COL20A1: variants seen among roughly 807,000 people sequenced by gnomAD.
COL20A1 encodes collagen type XX alpha 1 chain.
Under a neutral mutation model 152.9 loss-of-function variants are expected in COL20A1, and 164 were observed. That is an observed-to-expected ratio of 1.07 (90% CI 0.94 to 1.22). The LOEUF (loss-of-function observed/expected upper bound fraction) is 1.22, where lower values mean the gene tolerates loss of function less well. Among genes scored for constraint, COL20A1 ranks in the 50% most tolerant of loss-of-function variants. The pLI, the probability that COL20A1 is intolerant of heterozygous loss-of-function variation, is 0.00. For missense variants in COL20A1, 1,873 were observed against 1,744.8 expected (o/e 1.07, Z -1.31); for synonymous variants, 864 against 756.0 (o/e 1.14, Z -2.34).
chr20:63,303,200 ATAT>A (rs1438374664), intron 3 of COL20A1, among the ~76,000 whole-genome samples: 1 of 152,118 alleles, frequency 6.6e-6, no homozygotes, highest in East Asian at 1.9e-4. Context: ...CATCACAATA[ATAT>A]TTATCCCATT....
chr20:63,329,438 T>A, intron 34 of COL20A1, 147 bp from the exon 35 acceptor site: 1 of 645,990 alleles, frequency 1.5e-6, no homozygotes, highest in Non-Finnish European at 2.8e-6. Context: ...CCTGGCACGC[T>A]GCTGCCCCTA....
chr20:63,311,834 C>T lies in COL20A1; in HGVS notation c.1664-82C>T. ...TTCCATGGCATGGGAGACCTCAGGC[C>T]CCCTCGGTCCCAGCCACTGCCCACC... is the stretch of plus-strand genomic sequence containing the variant. On this transcript the variant is annotated intron_variant, in intron 13 of 35. Transcript: ENST00000358894. The surrounding 1 kb of genome is among the most constrained non-coding windows in gnomAD (Gnocchi z 4.4). The T allele has an allele frequency of 6.6e-7, 1 of 1,513,974 alleles. No homozygotes were observed. Among genetic ancestry groups the T allele is most frequent in the Non-Finnish European group, 8.8e-7 (1 of 1,133,130 alleles). The allele number at this position is 1,513,974 out of a possible 1,614,324, so 93.8% of individuals were successfully genotyped here. A position where few individuals can be genotyped will look rare whatever the true frequency, so the allele number is the denominator to read the frequency against.
At chr20:63,316,365 G>C (rs2068083968) in intron 20 of COL20A1, among the ~76,000 whole-genome samples, 188 bp from the exon 21 acceptor site, 1 of 151,990 alleles carries the variant, frequency 6.6e-6, no homozygotes, top group South Asian at 2.1e-4. Flanking sequence ...CCAGCCCAGG[G>C]CCTGAAGCAG....
chr20:63,294,373 T>A (rs1568759152), intron 1 of COL20A1, among the ~76,000 whole-genome samples: 1 of 151,206 alleles, frequency 6.6e-6, no homozygotes, highest in Non-Finnish European at 1.5e-5. Flanking sequence ...GGCCTCTGAG[T>A]CCCCCTCAGC....
At chr20:63,300,669 A>AT (rs1212494119) in intron 3 of COL20A1, among the ~76,000 whole-genome samples, 1 of 151,890 alleles carries the variant, frequency 6.6e-6, no homozygotes, top group Non-Finnish European at 1.5e-5. Context: ...GATTTTGTTT[A>AT]TTTTTTATTG....
At chr20:63,322,165 G>A in intron 27 of COL20A1, 54 bp downstream of exon 27, 12 of 1,346,688 alleles carry the variant, frequency 8.9e-6, no homozygotes, top group Non-Finnish European at 1.2e-5. Context: ...CCTACCAGAA[G>A]AGAACACCCC....
chr20:63,312,883 G>C lies in COL20A1; in HGVS notation c.2025G>C (p.Val675=). 6.4e-7 allele frequency: 1 copy of C among 1,557,866 alleles called. No homozygotes were observed. The highest frequency in any genetic ancestry group is 8.7e-7 in the Non-Finnish European group (1 of 1,151,102). The change falls in exon 16 of 36, where the codon GTG becomes GTC. Residue 675 remains valine (V), a synonymous_variant. Coordinates refer to ENST00000358894, the MANE Select transcript of COL20A1 (RefSeq NM_020882.4). ...GGGTGGCCGCAGCCCCGTCTGGCGTGCTTGTCTACCAGATCACGTGGACGC... is the reference window on the plus strand; with the variant it reads ...GGGTGGCCGCAGCCCCGTCTGGCGTCCTTGTCTACCAGATCACGTGGACGC... ...LAWVAAAPSG[V]LVYQITWTPL...
chr20:63,298,126 G>C, intron 3 of COL20A1, 106 bp downstream of exon 3: 2 of 688,536 alleles, frequency 2.9e-6, no homozygotes, highest in South Asian at 3.6e-5. Context: ...CCTCCCACCA[G>C]CCCCTTAGTG....
chr20:63,328,053 C>T, intron 32 of COL20A1, 26 bp from the exon 33 acceptor site: 1 of 1,613,414 alleles, frequency 6.2e-7, no homozygotes. Flanking sequence ...ACACGGGTCC[C>T]AAAGCTGCAC....
intron 2 of COL20A1, among the ~76,000 whole-genome samples, chr20:63,297,073 A>G (rs1380853939): frequency 6.6e-6 from 1 of 152,192 alleles, no homozygotes; most frequent in Admixed American, 6.5e-5. Flanking sequence ...TCGTCTTGGC[A>G]TGGACGCACA....
intron 3 of COL20A1, among the ~76,000 whole-genome samples, chr20:63,301,388 T>C (rs1207885798): frequency 6.6e-6 from 1 of 152,240 alleles, no homozygotes; most frequent in Admixed American, 6.5e-5. Flanking sequence ...TTTGAAAATA[T>C]ATGCAATTTG....
At chr20:63,326,723 G>A in intron 30 of COL20A1, 29 bp from the exon 31 acceptor site, 1 of 1,395,046 alleles carries the variant, frequency 7.2e-7, no homozygotes, top group East Asian at 3.0e-5. Flanking sequence ...GGGGGCCCAA[G>A]CCAAACCCTG....
At chr20:63,327,044 C>T (rs1435554711) in intron 31 of COL20A1, among the ~76,000 whole-genome samples, 1 of 152,066 alleles carries the variant, frequency 6.6e-6, no homozygotes, top group Non-Finnish European at 1.5e-5. Context: ...CTGGTGACAG[C>T]CCATGGACTT....
intron 8 of COL20A1, 147 bp downstream of exon 8, chr20:63,308,853 C>A: frequency 1.3e-6 from 1 of 777,582 alleles, no homozygotes; most frequent in Non-Finnish European, 2.0e-6. Context: ...CAGGCACCGC[C>A]TGGCACTCAG....
chr20:63,311,692 T>C lies in COL20A1; in HGVS notation c.1607T>C (p.Val536Ala). 6.2e-7 allele frequency: 1 copy of C among 1,606,254 alleles called. No homozygotes were observed. The highest frequency in any genetic ancestry group is 8.5e-7 in the Non-Finnish European group (1 of 1,178,878). The part of the protein sequence containing the change: ...LEPGRDYEVS[V>A]QSLRGPEGSE... The stretch of plus-strand genomic sequence containing the variant: ...CCTGGCAGGGACTATGAGGTCTCGG[T>C]GCAGAGCCTGCGAGGCCCTGAGGGC... The change falls in exon 13 of 36, where the codon GTG becomes GCG. Residue 536 changes from valine to alanine, a missense_variant. Val to Ala is a moderately conservative substitution (Grantham distance 64). Coordinates refer to ENST00000358894, the MANE Select transcript of COL20A1 (RefSeq NM_020882.4). This position sits in a 1 kb window ranked among gnomAD's most constrained non-coding sequence, Gnocchi z 4.4.
At chr20:63,324,430 A>T (rs1695365341) in intron 27 of COL20A1, 1 of 152,240 alleles carries the variant, frequency 6.6e-6, no homozygotes, top group African/African-American at 2.4e-5. Flanking sequence ...TTTGACCATT[A>T]AAGTGCTGTC....
At chr20:63,326,192 C>T (rs1344703544) in intron 30 of COL20A1, 43 bp downstream of exon 30, 2 of 1,532,416 alleles carry the variant, frequency 1.3e-6, no homozygotes, top group African/African-American at 2.7e-5. Context: ...ACCCAGGGTT[C>T]CTGTGTTCCA....
chr20:63,320,402 C>T (rs768714918), intron 25 of COL20A1, 34 bp downstream of exon 25: 7 of 1,588,538 alleles, frequency 4.4e-6, no homozygotes, highest in Non-Finnish European at 5.2e-6. Context: ...TTCCACGAAG[C>T]AAGTTAGGGC....
chr20:63,312,845 G>A lies in COL20A1; in HGVS notation c.1987G>A (p.Val663Ile), dbSNP rs1462424893. The part of the protein sequence containing the change: ...LSMTELPGDA[V>I]QLAWVAAAPS... ...CATGACGGAGCTGCCAGGGGATGCA[G>A]TCCAGCTGGCGTGGGTGGCCGCAGC... is the stretch of plus-strand genomic sequence containing the variant. Residue 663 changes from valine (V) to isoleucine (I), a missense_variant, in exon 16 of 36, where the codon GTC becomes ATC. Transcript: ENST00000358894. 3 of 1,559,862 alleles carry A rather than the reference G, an allele frequency of 1.9e-6. No individual in the cohort carries two copies. The highest frequency in any genetic ancestry group is 2.6e-6 in the Non-Finnish European group (3 of 1,152,238).
Sources: allele counts gnomAD v4.1 joint callset (sites outside exome capture counted in the v4.1 genomes callset), GRCh38; gene constraint gnomAD v4.1.1; non-coding constraint Gnocchi (gnomAD v3.1); transcripts MANE v1.5; gene names NCBI Gene and HGNC (gene_info 2026-07-23, HGNC 2026-07-21).